HCFC1: variants seen among roughly 807,000 people sequenced by gnomAD.
HCFC1 encodes host cell factor C1, also known as host cell factor 1.
A neutral mutation model predicts 105.5 loss-of-function variants in HCFC1; 7 were observed. The ratio of observed to expected loss-of-function variants is 0.07; its 90% CI spans 0.04 to 0.12. The LOEUF (loss-of-function observed/expected upper bound fraction) is 0.12, where lower values mean the gene tolerates loss of function less well. Ranked by LOEUF, HCFC1 falls within the 10% of genes least tolerant of loss-of-function variation. The pLI, the probability that HCFC1 is intolerant of heterozygous loss-of-function variation, is 1.00. For missense variants in HCFC1, 1,065 were observed against 1,823.6 expected (o/e 0.58, Z 7.58); for synonymous variants, 918 against 828.1 (o/e 1.11, Z -1.86).
chrX:153,962,374 G>A, intron 4 of HCFC1, 68 bp from the exon 5 acceptor site: 1 of 783,975 alleles, frequency 1.3e-6, no homozygotes, highest in Non-Finnish European at 1.9e-6. Flanking sequence ...CTGGATTCAA[G>A]CTAGCTCAGG....
In HCFC1 at chrX:153,957,574, AG is replaced by A; in HGVS notation, c.2134-42del. 3.8e-6 allele frequency: 4 copies of A among 1,055,435 alleles called. 1 individual carries two copies. In the South Asian group the frequency reaches 7.9e-5, roughly 21 times the overall value. The allele number at this position is 1,055,435 out of a possible 1,213,427, so 87.0% of individuals were successfully genotyped here. ...AGGTGCATGAGCCGGCATCACTGCC[AG>A]GAAGGGAAGTGTGGTCTGGCTACTC... On this transcript the variant is annotated intron_variant, in intron 12 of 25. Transcript: ENST00000310441.
chrX:153,956,905 G>C lies in HCFC1; in HGVS notation c.2496+13C>G. On this transcript the variant is annotated intron_variant, in intron 14 of 25. Coordinates refer to ENST00000310441, the MANE Select transcript of HCFC1 (RefSeq NM_005334.3). ...TAGGACACTGGGCTGAGAGACGGCT[G>C]GGAGTGCCTCACCTGGGTCACTCCC... The C allele has an allele frequency of 8.3e-7, 1 of 1,210,301 alleles. No individual in the cohort carries two copies. The highest frequency in any genetic ancestry group is 1.1e-6 in the Non-Finnish European group (1 of 895,162).
intron 23 of HCFC1, 119 bp downstream of exon 23, chrX:153,950,694 G>A: frequency 1.1e-6 from 1 of 874,789 alleles, no homozygotes; most frequent in Admixed American, 2.8e-5. Flanking sequence ...CCAAGTGGAA[G>A]GACTAAGACA....
intron 6 of HCFC1, among the ~76,000 whole-genome samples, chrX:153,961,130 G>A (rs1432714199): frequency 3.5e-5 from 4 of 112,762 alleles, no homozygotes; most frequent in Non-Finnish European, 5.6e-5. Context: ...AAGATACGGC[G>A]GATGAGAAAG....
At chrX:153,961,693 G>A in intron 5 of HCFC1, 45 bp from the exon 6 acceptor site, 1 of 1,001,024 alleles carries the variant, frequency 1.0e-6, no homozygotes, top group Non-Finnish European at 1.4e-6. Context: ...TAGAGTTGGT[G>A]CCAAGCTAGA....
In HCFC1 at chrX:153,949,592, G is replaced by C; in HGVS notation, c.6029C>G (p.Thr2010Ser). 8.3e-7 allele frequency: 1 copy of C among 1,210,796 alleles called. No individual in the cohort carries two copies. The highest frequency in any genetic ancestry group is 1.1e-6 in the Non-Finnish European group (1 of 894,499). The change falls in exon 25 of 26, where the codon ACC becomes AGC. Residue 2010 changes from threonine to serine, a missense_variant. By Grantham distance (58) the Thr-to-Ser change is moderately conservative (BLOSUM62 1). This residue lies in a region of HCFC1 where 18 missense variants were observed against 28.8 expected (regional missense o/e 0.62). Transcript: ENST00000310441. ...LQETSKDSSG[T>S]KPANKRPMSS... ...CATGGGCCGCTTGTTGGCTGGCTTG[G>C]TGCCAGAGCTGTCTTTACTGGTTTC...
At position 153,954,428 on chromosome X, in the gene HCFC1, G is replaced by C. The variant is rs1569546726; in HGVS notation, c.3971C>G (p.Thr1324Ser). The stretch of plus-strand genomic sequence containing the variant: ...CGTGTGGGTGGTGCCCGTCTCGTGG[G>C]TCTCGCATGGCGGGTTGGAGCACAC... Reference protein sequence around the residue: ...QRVCSNPPCETHETGTTHTAT... With the variant: ...QRVCSNPPCESHETGTTHTAT... Residue 1324 changes from threonine to serine, a missense_variant, in exon 17 of 26, where the codon ACC (threonine) becomes AGC (serine). Transcript: ENST00000310441. 2 of 1,212,074 alleles carry C rather than the reference G, an allele frequency of 1.7e-6. No homozygotes were observed. The highest frequency in any genetic ancestry group is 1.1e-6 in the Non-Finnish European group (1 of 895,408).
intron 1 of HCFC1, among the ~76,000 whole-genome samples, chrX:153,965,477 A>G (rs1557118153): frequency 9.1e-6 from 1 of 110,449 alleles, no homozygotes; most frequent in African/African-American, 3.3e-5. Context: ...CCCCTCCCTC[A>G]TGTCCTCAAA....
At chrX:153,961,731 G>A in intron 5 of HCFC1, 83 bp from the exon 6 acceptor site, 3 of 699,176 alleles carry the variant, frequency 4.3e-6, no homozygotes, top group Non-Finnish European at 6.7e-6. Context: ...CAGTTCTAGA[G>A]CTCAGTCCTC....
Position 153,953,899 on chromosome X carries a change from C to CT in HCFC1, c.4334-130dup. 11 of 891,189 alleles carry CT rather than the reference C, an allele frequency of 1.2e-5. No homozygotes were observed. The South Asian group carries it at 2.2e-4, about 18-fold the overall frequency. The allele number at this position is 891,189 out of a possible 1,213,427, so 73.4% of individuals were successfully genotyped here. ...AGGCAGGACAGGCTCCTGGAGACCT[C>CT]TGTCTGCTTCAGGTACAGCCAGGAC... On this transcript the variant is annotated intron_variant, in intron 17 of 25. Transcript: ENST00000310441.
intron 24 of HCFC1, among the ~76,000 whole-genome samples, chrX:153,949,960 C>G (rs901006622): frequency 8.9e-6 from 1 of 111,874 alleles, no homozygotes; most frequent in Non-Finnish European, 1.9e-5. Context: ...CTCCAGGGAC[C>G]TGGGACGTGC....
chrX:153,968,718 G>A (rs1214675065), intron 1 of HCFC1, among the ~76,000 whole-genome samples: 1 of 112,863 alleles, frequency 8.9e-6, no homozygotes, highest in African/African-American at 3.2e-5. Flanking sequence ...CAGTGGTGGT[G>A]GACTCTGGAG....
At chrX:153,950,574 A>G in intron 23 of HCFC1, 31 bp from the exon 24 acceptor site, 1 of 1,122,334 alleles carries the variant, frequency 8.9e-7, no homozygotes, top group Non-Finnish European at 1.2e-6. Context: ...AGGTCAACAG[A>G]ACAGGCTAGA....
rs1428394091 is a variant in HCFC1, at chrX:153,957,848, G to A, written c.2067C>T (p.Thr689=). 8.3e-7 allele frequency: 1 copy of A among 1,208,209 alleles called. No individual in the cohort carries two copies. Among genetic ancestry groups the A allele is most frequent in the Non-Finnish European group, 1.1e-6 (1 of 893,398 alleles). Reference sequence around the variant, plus strand: ...TGACTGCTGAAGTCTGAACTGGTTTGGTCTGGACCACCGACATCACTTTGC... The same window carrying A: ...TGACTGCTGAAGTCTGAACTGGTTTAGTCTGGACCACCGACATCACTTTGC... The part of the protein sequence containing the change: ...NLGKVMSVVQ[T]KPVQTSAVTG... The change falls in exon 12 of 26, where the codon ACC becomes ACT. Residue 689 remains threonine, a synonymous_variant. Coordinates refer to ENST00000310441, the MANE Select transcript of HCFC1 (RefSeq NM_005334.3).
rs782484757 is a variant in HCFC1 at position 153,954,709 on chromosome X, C to T, written c.3690G>A (p.Ala1230=). 100 of 1,192,786 alleles carry T rather than the reference C, an allele frequency of 8.4e-5. No individual in the cohort carries two copies. The highest frequency in any genetic ancestry group is 9.4e-5 in the Non-Finnish European group (83 of 886,627). The change falls in exon 17 of 26, where the codon GCG becomes GCA. Residue 1230 remains alanine (A), a synonymous_variant. Transcript: ENST00000310441. ...TGCTGACCGCATGGCTGTGGCGCCCCGCAGGAAGGTCCTTAATGCTTGGGC... is the reference window on the plus strand; with the variant it reads ...TGCTGACCGCATGGCTGTGGCGCCCTGCAGGAAGGTCCTTAATGCTTGGGC... ...LSSPSIKDLP[A]GRHSHAVSTA...
chrX:153,951,380 G>A lies in HCFC1; in HGVS notation c.5487C>T (p.Phe1829=), dbSNP rs1230370463. 9.9e-6 allele frequency: 12 copies of A among 1,209,260 alleles called. No homozygotes were observed. Among genetic ancestry groups the A allele is most frequent in the Non-Finnish European group, 1.2e-5 (11 of 894,531 alleles). Residue 1829 remains phenylalanine (F), a synonymous_variant, in exon 22 of 26, where the codon TTC becomes TTT. Transcript: ENST00000310441. ...KGTNVMVTHY[F]LPPDDAVPSD... Reference sequence around the variant, plus strand: ...ATGGGACAGCATCATCTGGTGGCAGGAAATAGTGTGTCACCATTACATTGG... The same window carrying A: ...ATGGGACAGCATCATCTGGTGGCAGAAAATAGTGTGTCACCATTACATTGG...
intron 4 of HCFC1, 134 bp from the exon 5 acceptor site, chrX:153,962,440 G>A (rs1306743027): frequency 2.1e-6 from 1 of 476,669 alleles, no homozygotes. Context: ...TATAGCCTAC[G>A]GCAGGCCCTC....
Position 153,951,351 on chromosome X carries a change from T to C in HCFC1, c.5516A>G (p.Asp1839Gly), listed in dbSNP as rs1448253732. ...ACATCAGCACCTGGGGACACTTACG[T>C]CTGATGGGACAGCATCATCTGGTGG... ...FLPPDDAVPSDDDLGTVPDYN... is the reference protein window; with the variant it reads ...FLPPDDAVPSGDDLGTVPDYN... Residue 1839 changes from aspartate to glycine, a missense_variant and splice_region_variant, in exon 22 of 26, where the codon GAC becomes GGC. Transcript: ENST00000310441. 7.4e-6 allele frequency: 9 copies of C among 1,209,453 alleles called. No homozygotes were observed. The highest frequency in any genetic ancestry group is 8.9e-6 in the Non-Finnish European group (8 of 894,888).
Position 153,970,736 on chromosome X carries a change from G to T in HCFC1, c.105C>A (p.Gly35=). 8.3e-7 allele frequency: 1 copy of T among 1,207,750 alleles called. No individual in the cohort carries two copies. Among genetic ancestry groups the T allele is most frequent in the Non-Finnish European group, 1.1e-6 (1 of 893,029 alleles). Residue 35 remains glycine, a synonymous_variant, in exon 1 of 26, where the codon GGC becomes GGA. Transcript: ENST00000310441. ...GCTCCTTGATGGCCACGGCGCGGTGGCCGTGGCGGGGCCGTGGCACCGGAC... is the reference window on the plus strand; with the variant it reads ...GCTCCTTGATGGCCACGGCGCGGTGTCCGTGGCGGGGCCGTGGCACCGGAC... ...WSGPVPRPRH[G]HRAVAIKELI... is the part of the protein sequence containing the mutation.
Sources: allele counts gnomAD v4.1 joint callset (sites outside exome capture counted in the v4.1 genomes callset), GRCh38; gene constraint gnomAD v4.1.1; regional missense constraint gnomAD v4.1.1; transcripts MANE v1.5; gene names NCBI Gene and HGNC (gene_info 2026-07-23, HGNC 2026-07-21).